KCNQ1: variants seen among roughly 807,000 people sequenced by gnomAD.
KCNQ1 encodes the protein potassium voltage-gated channel subfamily KQT member 1.
Under a neutral mutation model 72.4 loss-of-function variants are expected in KCNQ1, and 49 were observed. The ratio of observed to expected loss-of-function variants is 0.68; its 90% CI spans 0.54 to 0.86. The LOEUF is 0.86. KCNQ1 is among the 40% of genes least tolerant of loss of function. The pLI, the probability that KCNQ1 is intolerant of heterozygous loss-of-function variation, is 0.00. For synonymous variants in KCNQ1, 450 were observed against 412.6 expected (o/e 1.09, Z -1.10); for missense variants, 790 against 945.1 (o/e 0.84, Z 2.15).
rs896338987 is a variant in KCNQ1, at chr11:2,491,313, A to G, written c.387-36615A>G. Among the ~76,000 whole-genome samples the G allele has an allele frequency of 3.9e-5, 6 of 152,240 alleles. No homozygotes were observed. The highest frequency in any genetic ancestry group is 5.9e-5 in the Non-Finnish European group (4 of 68,042). On this transcript the variant is annotated intron_variant, in intron 1 of 15. Coordinates refer to ENST00000155840, the MANE Select transcript of KCNQ1 (RefSeq NM_000218.3). The surrounding 1 kb of genome is among the most constrained non-coding windows in gnomAD (Gnocchi z 4.1). ...GTGACCTTTCAGAGAGAGAATTTAA[A>G]ATAGCTGTTATGAGAAAACTCAAAT...
chr11:2,661,003 T>A lies in KCNQ1; in HGVS notation c.1394-958T>A. The A allele has an allele frequency of 2.5e-6, 1 of 398,576 alleles. No homozygotes were observed. The highest frequency in any genetic ancestry group is 4.4e-6 in the Non-Finnish European group (1 of 226,060). 24.7% of individuals were successfully genotyped at this position (398,576 alleles called of 1,614,324 possible). On this transcript the variant is annotated intron_variant, in intron 10 of 15. Coordinates refer to ENST00000155840, the MANE Select transcript of KCNQ1 (RefSeq NM_000218.3). The surrounding 1 kb of genome is among the most constrained non-coding windows in gnomAD (Gnocchi z 5.9). ...TTATGTAATGACTAAAATAATTAAA[T>A]CCATGCCTATATACCTAGAGAAAAA...
In KCNQ1 at chr11:2,572,921, G is replaced by A; in HGVS notation, c.856G>A (p.Asp286Asn). 6.2e-7 allele frequency: 1 copy of A among 1,613,856 alleles called. No homozygotes were observed. The highest frequency in any genetic ancestry group is 1.6e-4 in the Middle Eastern group (1 of 6,062). The change falls in exon 6 of 16, where the codon GAC (aspartate) becomes AAC (asparagine). Residue 286 changes from aspartate to asparagine, a missense_variant. Asp to Asn is a conservative substitution (Grantham distance 23). Around this residue, in one of 5 missense-constraint regions of KCNQ1, gnomAD observed 133 missense variants for 219.5 expected, o/e 0.61. Coordinates refer to ENST00000155840, the MANE Select transcript of KCNQ1 (RefSeq NM_000218.3). ...GTACTTTGTGTACCTGGCTGAGAAG[G>A]ACGCGGTGAACGAGTCAGGCCGCGT... ...SSYFVYLAEK[D>N]AVNESGRVEF...
At position 2,784,089 on chromosome 11, in the gene KCNQ1, CTGTTT is replaced by C. The variant is rs998366631; in HGVS notation, c.1794+6060_1794+6064del. Among the ~76,000 whole-genome samples, 1 of 151,882 alleles carries C rather than the reference CTGTTT, an allele frequency of 6.6e-6. No homozygotes were observed. Among genetic ancestry groups the C allele is most frequent in the African/African-American group, 2.4e-5 (1 of 41,408 alleles). On this transcript the variant is annotated intron_variant, in intron 15 of 15. Transcript: ENST00000155840. The surrounding 1 kb of genome is among the most constrained non-coding windows in gnomAD (Gnocchi z 4.7). ...AATCCAAAGCCATAAACATTTTCTC[CTGTTT>C]TGTTTTGGGTTTTTTTCCTTCTAGA...
chr11:2,814,863 A>T (rs765931119), intron 15 of KCNQ1, among the ~76,000 whole-genome samples: 2 of 152,186 alleles, frequency 1.3e-5, no homozygotes, highest in Non-Finnish European at 2.9e-5. Context: ...GGACTCTTCC[A>T]TGCTCATCAG....
chr11:2,692,088 C>T, intron 11 of KCNQ1: 1 of 398,794 alleles, frequency 2.5e-6, no homozygotes, highest in Non-Finnish European at 4.4e-6. Context: ...TCACCTGCCC[C>T]CACCTCCTCT....
At chr11:2,503,369 A>G (rs1316201774) in intron 1 of KCNQ1, among the ~76,000 whole-genome samples, 2 of 152,236 alleles carry the variant, frequency 1.3e-5, no homozygotes, top group African/African-American at 4.8e-5. Context: ...AAAGACCTGA[A>G]TAGACATTTC....
At chr11:2,560,770 A>G (rs1050292202) in intron 2 of KCNQ1, among the ~76,000 whole-genome samples, 6 of 151,864 alleles carry the variant, frequency 4.0e-5, no homozygotes, top group Admixed American at 1.3e-4. Flanking sequence ...CTCAGCACTG[A>G]GCTTGCAGGT....
intron 15 of KCNQ1, among the ~76,000 whole-genome samples, chr11:2,842,289 C>T (rs1360152034): frequency 1.3e-5 from 2 of 152,208 alleles, no homozygotes; most frequent in Admixed American, 6.5e-5. Context: ...CTCTGGGGGA[C>T]AGGGGGAGCA....
chr11:2,846,690 C>A (rs971423177), intron 15 of KCNQ1, among the ~76,000 whole-genome samples: 1 of 152,260 alleles, frequency 6.6e-6, no homozygotes, highest in Non-Finnish European at 1.5e-5. Flanking sequence ...CCAGTCTCCC[C>A]ATCAAGGCTG....
At chr11:2,505,808 G>A (rs1211814583) in intron 1 of KCNQ1, among the ~76,000 whole-genome samples, 2 of 151,986 alleles carry the variant, frequency 1.3e-5, no homozygotes, top group Admixed American at 1.3e-4. Context: ...TTTTGTGTTT[G>A]CCATTTGCAT....
chr11:2,572,753 A>G lies in KCNQ1; in HGVS notation c.781-93A>G, dbSNP rs1009114446. ...CGCGCTGGAGCGGCGTAGGACGCCC[A>G]GTGATCGCTGGGACTCGCTGCCTTA... On this transcript the variant is annotated intron_variant, in intron 5 of 15. Coordinates refer to ENST00000155840, the MANE Select transcript of KCNQ1 (RefSeq NM_000218.3). 19 of 1,548,198 alleles carry G rather than the reference A, an allele frequency of 1.2e-5. No individual in the cohort carries two copies. The African/African-American group carries it at 2.3e-4, about 19-fold the overall frequency.
In KCNQ1 at chr11:2,599,436, CTG is replaced by C. The variant is rs370887486; in HGVS notation, c.1393+10585_1393+10586del. On this transcript the variant is annotated intron_variant, in intron 10 of 15. Coordinates refer to ENST00000155840, the MANE Select transcript of KCNQ1 (RefSeq NM_000218.3). The surrounding 1 kb of genome is among the most constrained non-coding windows in gnomAD (Gnocchi z 4.7). ...CTTAATTTCCTTTGGTGTACATACTCTGTGATGTTCTCTATCGCTTAAAATTC... is the reference window on the plus strand; with the variant it reads ...CTTAATTTCCTTTGGTGTACATACTCTGATGTTCTCTATCGCTTAAAATTC... 5.9e-5 allele frequency among the ~76,000 whole-genome samples: 9 copies of C among 152,268 alleles called. No individual in the cohort carries two copies. The highest frequency in any genetic ancestry group is 2.2e-4 in the African/African-American group (9 of 41,558).
intron 10 of KCNQ1, chr11:2,640,690 A>C: frequency 5.0e-6 from 2 of 398,528 alleles, no homozygotes; most frequent in Middle Eastern, 6.3e-4. Flanking sequence ...ATAGTTAGGA[A>C]CATTTCAAGT....
In KCNQ1 at chr11:2,670,370, A is replaced by C; in HGVS notation, c.1514+8289A>C. 2.5e-6 allele frequency: 1 copy of C among 398,496 alleles called. No homozygotes were observed. The highest frequency in any genetic ancestry group is 4.4e-6 in the Non-Finnish European group (1 of 226,056). 24.7% of individuals were successfully genotyped at this position (398,496 alleles called of 1,614,324 possible). A position where few individuals can be genotyped will look rare whatever the true frequency, so the allele number is the denominator to read the frequency against. On this transcript the variant is annotated intron_variant, in intron 11 of 15. Coordinates refer to ENST00000155840, the MANE Select transcript of KCNQ1 (RefSeq NM_000218.3). This position sits in a 1 kb window ranked among gnomAD's most constrained non-coding sequence, Gnocchi z 4.9. ...GCTTTCAGATGGTTAGTATAGGCTG[A>C]AATTCCAAGAGCATTAACCAGACAC...
chr11:2,844,475 G>GT (rs1413760837), intron 15 of KCNQ1, among the ~76,000 whole-genome samples: 1 of 152,190 alleles, frequency 6.6e-6, no homozygotes, highest in Admixed American at 6.5e-5. Flanking sequence ...GCCAGGCATG[G>GT]GCTGACGCTG....
chr11:2,634,174 C>CT (rs201811937), intron 10 of KCNQ1: 20,815 of 393,484 alleles, frequency 0.053, 684 homozygotes, highest in Middle Eastern at 0.13. Flanking sequence ...CTCTCTCTCC[C>CT]TTTTTTTTAT....
At chr11:2,727,730 A>G (rs1200668371) in intron 11 of KCNQ1, among the ~76,000 whole-genome samples, 1 of 152,004 alleles carries the variant, frequency 6.6e-6, no homozygotes, top group Admixed American at 6.6e-5. Context: ...CTGAATGGAG[A>G]AGGGCTGTAT....
chr11:2,833,050 G>A (rs141540288), intron 15 of KCNQ1, among the ~76,000 whole-genome samples: 1 of 152,310 alleles, frequency 6.6e-6, no homozygotes, highest in Non-Finnish European at 1.5e-5. Flanking sequence ...GGTGCCCAAG[G>A]ACTGCCCACC....
At chr11:2,705,684 A>G (rs990389813) in intron 11 of KCNQ1, among the ~76,000 whole-genome samples, 3 of 152,204 alleles carry the variant, frequency 2.0e-5, no homozygotes, top group East Asian at 1.9e-4. Context: ...AAGTGGGCCC[A>G]GGCCTTTGAG....
Sources: gnomAD v4.1 joint callset for allele counts (sites outside exome capture counted in the v4.1 genomes callset) on GRCh38, gnomAD v4.1.1 for gene constraint, gnomAD v4.1.1 regional missense constraint, Gnocchi (gnomAD v3.1) non-coding constraint, MANE v1.5 for transcripts, NCBI Gene and HGNC (gene_info 2026-07-23, HGNC 2026-07-21) for gene names.